The following GLB1L3 variants were observed in gnomAD, a reference collection of about 807,000 sequenced individuals.
The protein encoded by GLB1L3 is galactosidase beta 1 like 3.
In GLB1L3, 89 loss-of-function variants were observed where a neutral mutation model predicts 89.5. That is an observed-to-expected ratio of 0.99 (90% confidence interval 0.84 to 1.19). GLB1L3 has a LOEUF of 1.19. Ranked by LOEUF, GLB1L3 falls within the 50% of genes most tolerant of loss-of-function variation. The probability of loss-of-function intolerance (pLI) is 0.00; values close to 1 mark genes in which losing one functional copy is unlikely to be tolerated. For missense variants in GLB1L3, 812 were observed against 813.3 expected, an observed-to-expected ratio of 1.00 and a Z score of 0.02; for synonymous variants, 314 against 312.3, an observed-to-expected ratio of 1.01 and a Z score of -0.06.
At position 134,281,728 on chromosome 11, in the gene GLB1L3, C is replaced by T. The variant is rs112755413; in HGVS notation, c.431+283C>T. On this transcript the variant is annotated intron_variant, in intron 4 of 19. Coordinates refer to ENST00000431683, the MANE Select transcript of GLB1L3 (RefSeq NM_001080407.3). The stretch of plus-strand genomic sequence containing the variant: ...CTCTGCATGGGGTCTGGCGCCTGGG[C>T]TGGGGCAGGGCGGCCCCTCTAGGCT... Among the ~76,000 whole-genome samples the T allele has an allele frequency of 7.1e-3, 746 of 105,676 alleles. 61 individuals are homozygous for T. Among genetic ancestry groups the T allele is most frequent in the Non-Finnish European group, 7.4e-3 (350 of 47,462 alleles). 69.3% of individuals were successfully genotyped at this position (105,676 alleles called of 152,430 possible). A position where few individuals can be genotyped will look rare whatever the true frequency, so the allele number is the denominator to read the frequency against.
At chr11:134,321,884 G>A (rs886562304), downstream of GLB1L3, among the ~76,000 whole-genome samples, 23 of 145,368 alleles carry the variant, frequency 1.6e-4, no homozygotes, top group Non-Finnish European at 2.0e-4. Context: ...AAACCTGCAC[G>A]TTGTGCACAT....
At chr11:134,285,924 T>C (rs1202605422) in intron 6 of GLB1L3, among the ~76,000 whole-genome samples, 33 of 151,574 alleles carry the variant, frequency 2.2e-4, no homozygotes, top group East Asian at 3.9e-4. Context: ...TTTTTTTTTT[T>C]TGGAGACGGA....
intron 6 of GLB1L3, among the ~76,000 whole-genome samples, chr11:134,284,683 C>G (rs495732): frequency 0.14 from 21,004 of 152,058 alleles, 1,778 homozygotes; most frequent in Non-Finnish European, 0.19. Context: ...GAGACAAGAT[C>G]ATGCCGCCAC....
chr11:134,314,144 G>A (rs1391912187), intron 17 of GLB1L3, 116 bp downstream of exon 17: 6 of 808,566 alleles, frequency 7.4e-6, no homozygotes, highest in Non-Finnish European at 1.2e-5. Context: ...ACTCCAGGCT[G>A]TTGGGTACTT....
At chr11:134,292,076 C>G (rs1187129200) in intron 7 of GLB1L3, 56 bp from the exon 8 acceptor site, 21 of 1,277,634 alleles carry the variant, frequency 1.6e-5, no homozygotes, top group Non-Finnish European at 2.3e-5. Flanking sequence ...GTATGTATTT[C>G]TTTTTTCCCA....
intron 13 of GLB1L3, 124 bp from the exon 14 acceptor site, chr11:134,312,225 T>C: frequency 9.3e-7 from 1 of 1,080,442 alleles, no homozygotes; most frequent in Non-Finnish European, 1.3e-6. Context: ...TGGCATCTGT[T>C]TCATCATTTC....
intron 10 of GLB1L3, among the ~76,000 whole-genome samples, chr11:134,307,961 A>G (rs1441312005): frequency 6.6e-6 from 1 of 152,206 alleles, no homozygotes; most frequent in Non-Finnish European, 1.5e-5. Flanking sequence ...TATCTGAAGT[A>G]TAGAAAAACA....
At chr11:134,277,512 A>C in intron 2 of GLB1L3, 61 bp downstream of exon 2, 1 of 1,597,492 alleles carries the variant, frequency 6.3e-7, no homozygotes, top group South Asian at 1.1e-5. Flanking sequence ...TCTTGGAGAA[A>C]ATAGTATCGC....
chr11:134,314,234 A>G (rs1236033122), intron 17 of GLB1L3, 96 bp from the exon 18 acceptor site: 3 of 829,596 alleles, frequency 3.6e-6, no homozygotes, highest in South Asian at 1.7e-5. Context: ...TCATTGAAAC[A>G]GAACCTTAGG....
At chr11:134,281,865 C>G (rs898648212) in intron 4 of GLB1L3, among the ~76,000 whole-genome samples, 160 bp from the exon 5 acceptor site, 13 of 147,770 alleles carry the variant, frequency 8.8e-5, no homozygotes, top group African/African-American at 3.3e-4. Flanking sequence ...GGGAGCAGCT[C>G]AGGCCACCGA....
intron 3 of GLB1L3, among the ~76,000 whole-genome samples, chr11:134,280,925 G>C: frequency 6.6e-6 from 1 of 151,978 alleles, no homozygotes; most frequent in East Asian, 1.9e-4. Flanking sequence ...GGTCCCCTGG[G>C]GGCCCTTCTT....
intron 5 of GLB1L3, among the ~76,000 whole-genome samples, chr11:134,282,894 T>C (rs1055592878): frequency 2.4e-4 from 37 of 152,310 alleles, no homozygotes; most frequent in Middle Eastern, 6.8e-3. Context: ...AGTGGAGTTT[T>C]CGGGAAGCAG....
intron 9 of GLB1L3, among the ~76,000 whole-genome samples, chr11:134,306,466 C>T (rs1001312537): frequency 6.6e-6 from 1 of 152,158 alleles, no homozygotes; most frequent in Non-Finnish European, 1.5e-5. Flanking sequence ...ACATCATAAT[C>T]CAAATCCAGG....
intron 4 of GLB1L3, 66 bp downstream of exon 4, chr11:134,281,511 G>T (rs1940684988): frequency 8.8e-6 from 13 of 1,478,836 alleles, no homozygotes; most frequent in Non-Finnish European, 1.2e-5. Flanking sequence ...ACTGGGGGTG[G>T]ATTAGCAACC....
downstream of GLB1L3, among the ~76,000 whole-genome samples, chr11:134,320,791 TATC>T (rs1424526415): frequency 6.6e-6 from 1 of 151,972 alleles, no homozygotes; most frequent in Non-Finnish European, 1.5e-5. Flanking sequence ...CCAAGAGAGT[TATC>T]ATCAAAAGAT....
At chr11:134,293,294 G>C in intron 9 of GLB1L3, 85 bp downstream of exon 9, 1 of 1,180,114 alleles carries the variant, frequency 8.5e-7, no homozygotes. Flanking sequence ...CGTGAAAACA[G>C]GTTTGACAAG....
intron 9 of GLB1L3, chr11:134,305,186 A>G (rs1211626659): frequency 3.5e-6 from 4 of 1,147,086 alleles, no homozygotes; most frequent in Non-Finnish European, 5.1e-6. Context: ...TATAGTTCTT[A>G]TCTGTGATTC....
Position 134,277,331 on chromosome 11 carries a change from G to T in GLB1L3, c.29G>T (p.Cys10Phe), listed in dbSNP as rs765897137. 1.2e-6 allele frequency: 2 copies of T among 1,613,936 alleles called. No individual in the cohort carries two copies. Among genetic ancestry groups the T allele is most frequent in the Non-Finnish European group, 1.7e-6 (2 of 1,179,896 alleles). MKSPPLLSP[C>F]LSWKRMAGIF... ...GTTGTCCTTTCTCCTTTCAGCCCGT[G>T]TCTCTCCTGGAAGAGAATGGCGGGC... The change falls in exon 2 of 20, where the codon TGT becomes TTT. Residue 10 changes from cysteine (C) to phenylalanine (F), a missense_variant. Physicochemically the swap from Cys to Phe is radical, Grantham distance 205. Coordinates refer to ENST00000431683, the MANE Select transcript of GLB1L3 (RefSeq NM_001080407.3).
intron 7 of GLB1L3, among the ~76,000 whole-genome samples, chr11:134,289,234 A>G (rs1941200147): frequency 6.6e-6 from 1 of 152,206 alleles, no homozygotes; most frequent in Non-Finnish European, 1.5e-5. Flanking sequence ...CATAAGGAAC[A>G]GAAAATGTAT....
Sources: gnomAD v4.1 joint callset for allele counts (sites outside exome capture counted in the v4.1 genomes callset) on GRCh38, gnomAD v4.1.1 for gene constraint, MANE v1.5 for transcripts, NCBI Gene and HGNC (gene_info 2026-07-23, HGNC 2026-07-21) for gene names.